Variants in RALGDS observed in about 807,000 individuals in gnomAD.
RALGDS encodes the protein ral guanine nucleotide exchange factor.
In RALGDS, 44 loss-of-function variants were observed where a neutral mutation model predicts 99.8. That is an observed-to-expected ratio of 0.44 (90% confidence interval 0.35 to 0.57). The LOEUF is 0.57. RALGDS is among the 20% of genes least tolerant of loss of function. The pLI is 0.01. For synonymous variants in RALGDS, 529 were observed against 505.0 expected (o/e 1.05, Z -0.64); for missense variants, 1,022 against 1,203.1 (o/e 0.85, Z 2.23).
intron 8 of RALGDS, among the ~76,000 whole-genome samples, chr9:133,106,347 G>C (rs1242806139): frequency 1.3e-5 from 2 of 152,170 alleles, no homozygotes; most frequent in Admixed American, 6.5e-5. Flanking sequence ...TCCTGCCTCA[G>C]CCTCCCAAGT....
In RALGDS at chr9:133,108,356, G is replaced by C. The variant is rs1279322254; in HGVS notation, c.829C>G (p.Leu277Val). The C allele has an allele frequency of 6.5e-7, 1 of 1,538,922 alleles. No homozygotes were observed. The highest frequency in any genetic ancestry group is 8.7e-7 in the Non-Finnish European group (1 of 1,146,942). The change falls in exon 6 of 18, where the codon CTA (leucine) becomes GTA (valine). Residue 277 changes from leucine (L) to valine (V), a missense_variant. This residue lies in a region of RALGDS where 825 missense variants were observed against 994.5 expected (regional missense o/e 0.83). Coordinates refer to ENST00000372050, the MANE Select transcript of RALGDS (RefSeq NM_006266.4). ...GGGCTGGGTGCTCGAGCTGGTGTTA[G>C]AGCTAGCTCGAGCTCTGGAGTTGGT... ...LKPTPELELA[L>V]TPARAPSPVP...
intron 1 of RALGDS, among the ~76,000 whole-genome samples, chr9:133,130,728 A>G (rs650066): frequency 0.33 from 49,462 of 152,056 alleles, 8,421 homozygotes; most frequent in East Asian, 0.53. Flanking sequence ...GGAAGCCATC[A>G]GACGCATCCA....
In RALGDS at chr9:133,100,290, C is replaced by T; in HGVS notation, c.2547G>A (p.Leu849=). ...TACTCCGGTCATCTGAGAGAATCTG[C>T]AGCAGCTCATAGTCCTCCGGCTCCT... ...EEEEPEDYEL[L]QILSDDRKLK... is the part of the protein sequence containing the mutation. The change falls in exon 17 of 18, where the codon CTG becomes CTA. Residue 849 remains leucine, a synonymous_variant. Coordinates refer to ENST00000372050, the MANE Select transcript of RALGDS (RefSeq NM_006266.4). 1 of 1,614,228 alleles carries T rather than the reference C, an allele frequency of 6.2e-7. No individual in the cohort carries two copies. Among genetic ancestry groups the T allele is most frequent in the Non-Finnish European group, 8.5e-7 (1 of 1,180,022 alleles).
Position 133,107,136 on chromosome 9 carries a change from C to T in RALGDS, c.1362G>A (p.Thr454=), listed in dbSNP as rs148169517. 49 of 1,613,776 alleles carry T rather than the reference C, an allele frequency of 3.0e-5. No individual in the cohort carries two copies. The highest frequency in any genetic ancestry group is 1.6e-4 in the Middle Eastern group (1 of 6,062). The change falls in exon 7 of 18, where the codon ACG becomes ACA. Residue 454 remains threonine, a synonymous_variant. Coordinates refer to ENST00000372050, the MANE Select transcript of RALGDS (RefSeq NM_006266.4). ...VITTCLGNRS[T]KAPDRARVVE... ...CCACCCTGGCCCTGTCTGGGGCTTT[C>T]GTGCTTCGGTTCCCGAGGCAGGTGG...
intron 6 of RALGDS, 61 bp from the exon 7 acceptor site, chr9:133,107,361 A>G: frequency 7.0e-7 from 1 of 1,432,430 alleles, no homozygotes; most frequent in African/African-American, 1.4e-5. Flanking sequence ...GTGCTGGGGA[A>G]GCTGAGGATG....
Position 133,129,279 on chromosome 9 carries a change from C to T in RALGDS, c.132+1673G>A, listed in dbSNP as rs778392113. On this transcript the variant is annotated intron_variant, in intron 1 of 17. Coordinates refer to the RALGDS transcript ENST00000372062. The stretch of plus-strand genomic sequence containing the variant: ...ACAGAGCCCTTCCTCCCCCTGGGCA[C>T]GGCAGGCCTGGCACAAACCTGGCCT... 48 of 1,594,784 alleles carry T rather than the reference C, an allele frequency of 3.0e-5. 1 individual carries two copies. The highest frequency in any genetic ancestry group is 1.6e-4 in the Middle Eastern group (1 of 6,068).
In RALGDS at chr9:133,108,960, C is replaced by T. The variant is rs1307288088; in HGVS notation, c.585-94G>A. 17 of 1,257,526 alleles carry T rather than the reference C, an allele frequency of 1.4e-5. No homozygotes were observed. The East Asian group carries it at 1.5e-4, about 11-fold the overall frequency. 77.9% of individuals were successfully genotyped at this position (1,257,526 alleles called of 1,614,324 possible). Reference sequence around the variant, plus strand: ...CGGCCCCTGTCCATCTGAAGGCCACCTGCCCCGGCCCAAGCCCCCTTGGCT... The same window carrying T: ...CGGCCCCTGTCCATCTGAAGGCCACTTGCCCCGGCCCAAGCCCCCTTGGCT... On this transcript the variant is annotated intron_variant, in intron 4 of 17. Transcript: ENST00000372050.
chr9:133,139,293 C>T (rs923876849), intron 1 of RALGDS, among the ~76,000 whole-genome samples: 6 of 152,216 alleles, frequency 3.9e-5, no homozygotes, highest in Admixed American at 1.3e-4. Context: ...CTCAGGGCTG[C>T]GGAGAGGGGA....
At chr9:133,148,892 G>A (rs1588577761) in intron 1 of RALGDS, 5 of 1,552,596 alleles carry the variant, frequency 3.2e-6, no homozygotes, top group Non-Finnish European at 4.4e-6. Context: ...CCCTCCCCCC[G>A]GTGGGTGTGG....
intron 13 of RALGDS, 75 bp downstream of exon 13, chr9:133,102,704 T>C (rs1830817454): frequency 3.1e-6 from 5 of 1,602,856 alleles, no homozygotes; most frequent in Non-Finnish European, 4.2e-6. Flanking sequence ...CCATGGGTCA[T>C]AGCTGCTGGC....
chr9:133,120,437 C>CCG (rs2119212356), intron 1 of RALGDS, among the ~76,000 whole-genome samples: 1 of 141,728 alleles, frequency 7.1e-6, no homozygotes, highest in Non-Finnish European at 1.6e-5. Flanking sequence ...GACCCCCCCC[C>CCG]CACCCCGCTC....
At chr9:133,109,755 T>C (rs1831247811) in intron 3 of RALGDS, 34 bp from the exon 4 acceptor site, 1 of 1,581,330 alleles carries the variant, frequency 6.3e-7, no homozygotes. Context: ...TGTCTGACTC[T>C]CCGACTAGAA....
intron 4 of RALGDS, 66 bp from the exon 5 acceptor site, chr9:133,108,932 A>AGCCG: frequency 6.8e-7 from 1 of 1,476,236 alleles, no homozygotes; most frequent in Non-Finnish European, 9.3e-7. Flanking sequence ...TGGGCTCCTG[A>AGCCG]GCCGGCCCCT....
exon 1 of RALGDS, chr9:133,131,101 C>A (rs1832320837): frequency 6.8e-7 from 1 of 1,459,868 alleles, no homozygotes. Context: ...TGGGGCCCGG[C>A]TTCCCGCCCA....
intron 1 of RALGDS, among the ~76,000 whole-genome samples, chr9:133,145,777 G>A (rs1283725443): frequency 6.6e-6 from 1 of 152,218 alleles, no homozygotes; most frequent in Non-Finnish European, 1.5e-5. Context: ...CCTGCACAAT[G>A]GGGATGGTTC....
intron 8 of RALGDS, 138 bp from the exon 9 acceptor site, chr9:133,106,154 T>C: frequency 1.4e-6 from 1 of 697,146 alleles, no homozygotes; most frequent in Non-Finnish European, 2.6e-6. Context: ...GCACTAACGC[T>C]CTGCAGGTCT....
chr9:133,143,768 T>TAACAACAACAAC (rs1417707331), intron 1 of RALGDS, among the ~76,000 whole-genome samples: 3 of 102,442 alleles, frequency 2.9e-5, no homozygotes, highest in African/African-American at 5.3e-5. Context: ...ATAATAATAA[T>TAACAACAACAAC]AATAACAACA....
chr9:133,109,909 C>A (rs1304582254), intron 3 of RALGDS, among the ~76,000 whole-genome samples, 188 bp from the exon 4 acceptor site: 1 of 152,188 alleles, frequency 6.6e-6, no homozygotes, highest in Non-Finnish European at 1.5e-5. Flanking sequence ...TCCCAGCTAT[C>A]TGAGCGCCCC....
At chr9:133,103,654 T>C (rs1830866626) in intron 11 of RALGDS, 93 bp downstream of exon 11, 1 of 1,279,654 alleles carries the variant, frequency 7.8e-7, no homozygotes, top group Admixed American at 1.7e-5. Context: ...AGCTGTTTAC[T>C]CATTGCTGGG....
Sources: allele counts gnomAD v4.1 joint callset (sites outside exome capture counted in the v4.1 genomes callset), GRCh38; gene constraint gnomAD v4.1.1; regional missense constraint gnomAD v4.1.1; transcripts MANE v1.5; gene names NCBI Gene and HGNC (gene_info 2026-07-23, HGNC 2026-07-21).